Variants in KLHL29 observed in about 807,000 individuals in gnomAD.
KLHL29 encodes the protein kelch-like protein 29.
In KLHL29, 21 loss-of-function variants were observed where a neutral mutation model predicts 80.4. The ratio of observed to expected loss-of-function variants is 0.26; its 90% CI spans 0.19 to 0.38. KLHL29 has a LOEUF of 0.38. Ranked by LOEUF, KLHL29 falls within the 10% of genes least tolerant of loss-of-function variation. KLHL29 has a pLI of 1.00. For synonymous variants in KLHL29, 511 were observed against 526.8 expected (o/e 0.97, Z 0.41); for missense variants, 867 against 1,223.9 (o/e 0.71, Z 4.35).
At chr2:23,488,293 C>T (rs1664987626) in intron 2 of KLHL29, among the ~76,000 whole-genome samples, 1 of 152,246 alleles carries the variant, frequency 6.6e-6, no homozygotes, top group African/African-American at 2.4e-5. Flanking sequence ...GAGGAGTAGA[C>T]ATGGAAGGCA....
In KLHL29 at chr2:23,680,767, G is replaced by A. The variant is rs540189395; in HGVS notation, c.941-3632G>A. Among the ~76,000 whole-genome samples, 8 of 147,656 alleles carry A rather than the reference G, an allele frequency of 5.4e-5. No individual in the cohort carries two copies. The highest frequency in any genetic ancestry group is 2.0e-4 in the African/African-American group (8 of 39,954). On this transcript the variant is annotated intron_variant, in intron 5 of 13. Transcript: ENST00000486442. This position sits in a 1 kb window ranked among gnomAD's most constrained non-coding sequence, Gnocchi z 4.1. The stretch of plus-strand genomic sequence containing the variant: ...GGTCTCTAGGCCATCTTCTCCTGGG[G>A]TCTCTAGGCCATCTTCTCCTGGGGT...
Position 23,482,776 on chromosome 2 carries a change from C to T in KLHL29, c.-46+7109C>T, listed in dbSNP as rs190899132. The stretch of plus-strand genomic sequence containing the variant: ...ATAGTGCCAGGAGTACTGGGGACTA[C>T]AGGATGAATACCCAGCACATGGTGA... On this transcript the variant is annotated intron_variant, in intron 2 of 13. Transcript: ENST00000486442. Among the ~76,000 whole-genome samples the T allele has an allele frequency of 9.8e-5, 15 of 152,320 alleles. No homozygotes were observed. In the East Asian group the frequency reaches 2.1e-3, roughly 22 times the overall value.
intron 1 of KLHL29, among the ~76,000 whole-genome samples, chr2:23,418,277 C>T (rs976734444): frequency 3.3e-5 from 5 of 152,192 alleles, no homozygotes; most frequent in African/African-American, 9.7e-5. Flanking sequence ...GTCTTTGTTG[C>T]TTTGTCAGCC....
chr2:23,414,987 C>T (rs1453524087), intron 1 of KLHL29, among the ~76,000 whole-genome samples: 1 of 152,216 alleles, frequency 6.6e-6, no homozygotes, highest in African/African-American at 2.4e-5. Context: ...GAACCAGGCT[C>T]AGAGGCCACA....
intron 2 of KLHL29, among the ~76,000 whole-genome samples, chr2:23,535,488 A>C (rs1005378980): frequency 6.6e-6 from 1 of 152,272 alleles, no homozygotes; most frequent in Non-Finnish European, 1.5e-5. Context: ...AAAAGGTAGA[A>C]GCAACTCAGG....
intron 2 of KLHL29, among the ~76,000 whole-genome samples, chr2:23,537,024 C>T (rs180786210): frequency 2.7e-4 from 41 of 152,072 alleles, no homozygotes; most frequent in African/African-American, 8.2e-4. Flanking sequence ...CCATTTTGTC[C>T]GTTACGTCCC....
At chr2:23,472,514 G>A (rs1490682360) in intron 1 of KLHL29, among the ~76,000 whole-genome samples, 4 of 152,188 alleles carry the variant, frequency 2.6e-5, no homozygotes, top group Non-Finnish European at 4.4e-5. Flanking sequence ...TGTGCCTGTA[G>A]TCCCAGCTAC....
At chr2:23,420,051 G>A (rs144441564) in intron 1 of KLHL29, among the ~76,000 whole-genome samples, 103 of 152,240 alleles carry the variant, frequency 6.8e-4, no homozygotes, top group Non-Finnish European at 1.2e-3. Flanking sequence ...CCCACACACG[G>A]AGACACAGGC....
chr2:23,655,144 T>C (rs1240044518), intron 5 of KLHL29, among the ~76,000 whole-genome samples: 4 of 152,154 alleles, frequency 2.6e-5, no homozygotes, highest in Non-Finnish European at 4.4e-5. Context: ...ACAAGGGGCA[T>C]TGGGCCATTT....
chr2:23,608,406 C>T (rs1344670727), intron 3 of KLHL29, among the ~76,000 whole-genome samples: 1 of 151,390 alleles, frequency 6.6e-6, no homozygotes, highest in Non-Finnish European at 1.5e-5. Context: ...ATCCTTCTTC[C>T]CCTACAAGAC....
Position 23,703,246 on chromosome 2 carries a change from T to C in KLHL29, c.2166T>C (p.Ser722=), listed in dbSNP as rs1232873717. 1.9e-6 allele frequency: 3 copies of C among 1,542,706 alleles called. No homozygotes were observed. The highest frequency in any genetic ancestry group is 4.0e-5 in the Admixed American group (2 of 49,678). Reference sequence around the variant, plus strand: ...CCCCTCTGCCCAAGGCAGTACACTCTGCTGCAGCCACAGTGTGTGGCGGCA... The same window carrying C: ...CCCCTCTGCCCAAGGCAGTACACTCCGCTGCAGCCACAGTGTGTGGCGGCA... ...AVAPLPKAVH[S]AAATVCGGKI... is the part of the protein sequence containing the mutation. The change falls in exon 12 of 14, where the codon TCT becomes TCC. Residue 722 remains serine (S), a synonymous_variant. Coordinates refer to ENST00000486442, the MANE Select transcript of KLHL29 (RefSeq NM_052920.2).
intron 1 of KLHL29, among the ~76,000 whole-genome samples, chr2:23,410,437 G>T (rs970169693): frequency 6.6e-6 from 1 of 152,122 alleles, no homozygotes. Flanking sequence ...ACAGTGGAAG[G>T]GGTCAGGTAT....
At chr2:23,440,197 C>T (rs190888248) in intron 1 of KLHL29, among the ~76,000 whole-genome samples, 393 of 152,182 alleles carry the variant, frequency 2.6e-3, no homozygotes, top group Admixed American at 6.3e-3. Context: ...ATCTGATCTT[C>T]GACAAACATG....
Position 23,487,940 on chromosome 2 carries a change from C to T in KLHL29, c.-46+12273C>T, listed in dbSNP as rs141152301. Among the ~76,000 whole-genome samples, 827 of 152,326 alleles carry T rather than the reference C, an allele frequency of 5.4e-3. 8 individuals carry two copies. The highest frequency in any genetic ancestry group is 0.019 in the African/African-American group (782 of 41,586). Reference sequence around the variant, plus strand: ...AAGCCACAGTGGCTCGGTGCATGCTCATTCCTCAATAACCACAGTAACCAG... The same window carrying T: ...AAGCCACAGTGGCTCGGTGCATGCTTATTCCTCAATAACCACAGTAACCAG... On this transcript the variant is annotated intron_variant, in intron 2 of 13. Coordinates refer to ENST00000486442, the MANE Select transcript of KLHL29 (RefSeq NM_052920.2).
In KLHL29 at chr2:23,653,938, G is replaced by A. The variant is rs550259279; in HGVS notation, c.940+11088G>A. Among the ~76,000 whole-genome samples the A allele has an allele frequency of 2.6e-3, 391 of 152,154 alleles. 2 individuals carry two copies. Among genetic ancestry groups the A allele is most frequent in the Non-Finnish European group, 4.0e-3 (275 of 68,008 alleles). On this transcript the variant is annotated intron_variant, in intron 5 of 13. Coordinates refer to ENST00000486442, the MANE Select transcript of KLHL29 (RefSeq NM_052920.2). ...TCCCAGCACTTTGGGAGGCTGAGGC[G>A]GGTAGATCACCTGAGGTCAGGAGTT... is the stretch of plus-strand genomic sequence containing the variant.
intron 2 of KLHL29, among the ~76,000 whole-genome samples, chr2:23,512,542 A>G (rs778039516): frequency 6.6e-6 from 1 of 152,230 alleles, no homozygotes; most frequent in Non-Finnish European, 1.5e-5. Context: ...TGATATCTGG[A>G]ATATAAGTAT....
chr2:23,611,556 C>T (rs957986376), intron 3 of KLHL29, among the ~76,000 whole-genome samples: 3 of 152,138 alleles, frequency 2.0e-5, no homozygotes, highest in African/African-American at 7.2e-5. Context: ...AGAAAGATAC[C>T]ATCTTGACCT....
At chr2:23,443,821 A>G (rs1663600147) in intron 1 of KLHL29, among the ~76,000 whole-genome samples, 2 of 152,124 alleles carry the variant, frequency 1.3e-5, no homozygotes, top group Admixed American at 6.6e-5. Context: ...GTGAAGGTAG[A>G]TTTTTTTCCT....
At chr2:23,449,213 C>T (rs1035128214) in intron 1 of KLHL29, among the ~76,000 whole-genome samples, 26 of 152,130 alleles carry the variant, frequency 1.7e-4, no homozygotes, top group African/African-American at 5.1e-4. Flanking sequence ...AGGTTCACAG[C>T]TCTAGTCCAT....
Sources: allele counts gnomAD v4.1 joint callset (sites outside exome capture counted in the v4.1 genomes callset), GRCh38; gene constraint gnomAD v4.1.1; non-coding constraint Gnocchi (gnomAD v3.1); transcripts MANE v1.5; gene names NCBI Gene and HGNC (gene_info 2026-07-23, HGNC 2026-07-21).